Variants in ME1 observed in about 807,000 individuals in gnomAD.
ME1 encodes the protein malic enzyme 1.
In ME1, 74 loss-of-function variants were observed where a neutral mutation model predicts 66.4. The ratio of observed to expected loss-of-function variants is 1.11; its 90% CI spans 0.92 to 1.35. ME1 has a LOEUF of 1.35. Ranked by LOEUF, ME1 falls within the 40% of genes most tolerant of loss-of-function variation. The probability of loss-of-function intolerance (pLI) is 0.00; values close to 1 mark genes in which losing one functional copy is unlikely to be tolerated. For synonymous variants in ME1, 251 were observed against 235.6 expected (o/e 1.07, Z -0.60); for missense variants, 750 against 694.1 (o/e 1.08, Z -0.90).
intron 5 of ME1, among the ~76,000 whole-genome samples, chr6:83,328,937 T>A (rs1768353857): frequency 6.6e-6 from 1 of 151,828 alleles, no homozygotes; most frequent in East Asian, 1.9e-4. Context: ...AAGGAGGGTA[T>A]ATATTGGTAA....
chr6:83,230,888 ACACCACTG>A (rs1175126827), intron 9 of ME1, among the ~76,000 whole-genome samples: 3 of 152,136 alleles, frequency 2.0e-5, no homozygotes, highest in African/African-American at 7.2e-5. Context: ...AGCCAAGATC[ACACCACTG>A]CACTCCAGCC....
At chr6:83,392,613 G>A in intron 3 of ME1, 1 of 576,144 alleles carries the variant, frequency 1.7e-6, no homozygotes, top group Non-Finnish European at 3.3e-6. Context: ...AGAACGGGAA[G>A]CTTGTTATCA....
Position 83,407,808 on chromosome 6 carries a change from C to CT in ME1, c.171dup (p.Val58SerfsTer11). The CT allele has an allele frequency of 1.2e-6, 2 of 1,611,672 alleles. No individual in the cohort carries two copies. Among genetic ancestry groups the CT allele is most frequent in the Non-Finnish European group, 1.7e-6 (2 of 1,179,380 alleles). Reference sequence around the variant, plus strand: ...TTCAGATGCTCGAAATTTTTTACTACTCTAAGAACCTGGATCTCCTGACTG... The same window carrying CT: ...TTCAGATGCTCGAAATTTTTTACTACTTCTAAGAACCTGGATCTCCTGACTG... On this transcript the variant is annotated frameshift_variant, in exon 2 of 14. Coordinates refer to ENST00000369705, the MANE Select transcript of ME1 (RefSeq NM_002395.6). LOFTEE classifies it high-confidence loss of function.
At chr6:83,426,434 G>A (rs887525418) in intron 1 of ME1, among the ~76,000 whole-genome samples, 2 of 152,198 alleles carry the variant, frequency 1.3e-5, no homozygotes, top group Non-Finnish European at 2.9e-5. Flanking sequence ...GTACCTGGCT[G>A]TATATGACTT....
rs368880611 is a variant in ME1, at chr6:83,398,452, C to T, written c.277G>A (p.Asp93Asn). The change falls in exon 3 of 14, where the codon GAC becomes AAC. Residue 93 changes from aspartate (D) to asparagine (N), a missense_variant. Physicochemically the swap from Asp to Asn is conservative, Grantham distance 23. Coordinates refer to ENST00000369705, the MANE Select transcript of ME1 (RefSeq NM_002395.6). ...EKLFYRVLTS[D>N]IEKFMPIVYT... The stretch of plus-strand genomic sequence containing the variant: ...ACAATAGGCATGAATTTCTCAATGT[C>T]AGATGTCAGCACTCTATAAAAGAGT... 5.0e-6 allele frequency: 8 copies of T among 1,592,026 alleles called. No homozygotes were observed. In the African/African-American group the frequency reaches 8.1e-5, roughly 16 times the overall value.
intron 1 of ME1, among the ~76,000 whole-genome samples, chr6:83,423,444 G>T (rs1770309862): frequency 6.6e-6 from 1 of 152,054 alleles, no homozygotes; most frequent in Non-Finnish European, 1.5e-5. Flanking sequence ...TATCTACCTG[G>T]ATAACTCTAA....
intron 5 of ME1, among the ~76,000 whole-genome samples, chr6:83,319,975 A>T (rs1324744378): frequency 6.6e-6 from 1 of 152,234 alleles, no homozygotes; most frequent in African/African-American, 2.4e-5. Context: ...CCTCATTTGC[A>T]TCTAGATCAG....
chr6:83,238,474 G>A (rs1790453554), intron 8 of ME1, among the ~76,000 whole-genome samples: 1 of 152,092 alleles, frequency 6.6e-6, no homozygotes, highest in African/African-American at 2.4e-5. Context: ...ACTGGCCTGT[G>A]CCATTCATCA....
At position 83,250,586 on chromosome 6, in the gene ME1, C is replaced by G. The variant is rs1050801752; in HGVS notation, c.814+3043G>C. Among the ~76,000 whole-genome samples, 3 of 152,328 alleles carry G rather than the reference C, an allele frequency of 2.0e-5. No homozygotes were observed. The South Asian group carries it at 6.2e-4, about 32-fold the overall frequency. On this transcript the variant is annotated intron_variant, in intron 7 of 13. Transcript: ENST00000369705. ...TAGGCTCCATCCTTGGCTCCTTTCT[C>G]ACCTTCACTATCAACAACTAATTAC...
chr6:83,417,525 C>T (rs759611929), intron 1 of ME1, among the ~76,000 whole-genome samples: 6 of 152,034 alleles, frequency 3.9e-5, no homozygotes, highest in South Asian at 2.1e-4. Context: ...GGACTACAGG[C>T]GCGTGCCACC....
Position 83,211,684 on chromosome 6 carries a change from G to C in ME1, c.*240C>G. 1 of 300,112 alleles carries C rather than the reference G, an allele frequency of 3.3e-6. No homozygotes were observed. 18.6% of individuals were successfully genotyped at this position (300,112 alleles called of 1,614,324 possible). A position where few individuals can be genotyped will look rare whatever the true frequency, so the allele number is the denominator to read the frequency against. On this transcript the variant is annotated 3_prime_UTR_variant, in exon 14 of 14. Transcript: ENST00000369705. ...CGTAGTACGTACAACAGCTTTTAAAGAGAACGTAGGCAGAATAATTCAGAC... is the reference window on the plus strand; with the variant it reads ...CGTAGTACGTACAACAGCTTTTAAACAGAACGTAGGCAGAATAATTCAGAC...
chr6:83,214,614 A>G (rs1242771370), intron 13 of ME1, among the ~76,000 whole-genome samples: 1 of 152,110 alleles, frequency 6.6e-6, no homozygotes, highest in Non-Finnish European at 1.5e-5. Context: ...AGAATAATAA[A>G]CTATATTCTA....
At chr6:83,392,946 G>A (rs541491025) in intron 3 of ME1, 14 of 831,138 alleles carry the variant, frequency 1.7e-5, no homozygotes, top group East Asian at 4.9e-5. Flanking sequence ...CATGACCATC[G>A]CTGCCACCCA....
intron 5 of ME1, among the ~76,000 whole-genome samples, chr6:83,333,533 C>T (rs1042760979): frequency 1.3e-5 from 2 of 152,128 alleles, no homozygotes; most frequent in African/African-American, 4.8e-5. Flanking sequence ...CTATTCTTCA[C>T]ACACATTATG....
chr6:83,367,197 C>T (rs1769114962), intron 3 of ME1, among the ~76,000 whole-genome samples: 1 of 151,974 alleles, frequency 6.6e-6, no homozygotes. Context: ...TATGTCTTAA[C>T]AGTGGGCTTA....
intron 10 of ME1, 134 bp from the exon 11 acceptor site, chr6:83,227,611 T>G (rs2128523932): frequency 2.9e-6 from 2 of 689,848 alleles, no homozygotes; most frequent in South Asian, 3.8e-5. Context: ...ATAAACTATT[T>G]GTATTCAAGT....
At chr6:83,375,569 T>C (rs1315585042) in intron 3 of ME1, among the ~76,000 whole-genome samples, 2 of 152,136 alleles carry the variant, frequency 1.3e-5, no homozygotes. Context: ...TCTCTTCTTA[T>C]CTGAATACCT....
chr6:83,330,172 C>T (rs532012167), intron 5 of ME1, among the ~76,000 whole-genome samples: 2 of 152,164 alleles, frequency 1.3e-5, no homozygotes, highest in African/African-American at 2.4e-5. Flanking sequence ...GAACATTATA[C>T]ACCTTTATCT....
At chr6:83,400,325 G>C (rs763543121) in intron 2 of ME1, among the ~76,000 whole-genome samples, 1 of 152,086 alleles carries the variant, frequency 6.6e-6, no homozygotes, top group Admixed American at 6.5e-5. Context: ...TCTTGCTCCT[G>C]TTTCCACCAT....
Sources: gnomAD v4.1 joint callset for allele counts (sites outside exome capture counted in the v4.1 genomes callset) on GRCh38, gnomAD v4.1.1 for gene constraint, MANE v1.5 for transcripts, NCBI Gene and HGNC (gene_info 2026-07-23, HGNC 2026-07-21) for gene names.